RGS21: variants seen among roughly 807,000 people sequenced by gnomAD.
The protein encoded by RGS21 is regulator of G-protein signalling 21.
A neutral mutation model predicts 18.7 loss-of-function variants in RGS21; 19 were observed. The observed-to-expected ratio is 1.01, with a 90% CI of 0.71 to 1.49. RGS21 has a LOEUF of 1.49. Among genes scored for constraint, RGS21 ranks in the 40% most tolerant of loss-of-function variants. The pLI, the probability that RGS21 is intolerant of heterozygous loss-of-function variation, is 0.00. For synonymous variants in RGS21, 56 were observed against 57.8 expected (o/e 0.97, Z 0.14); for missense variants, 194 against 176.8 (o/e 1.10, Z -0.55).
chr1:192,336,814 G>A (rs1388962514), intron 1 of RGS21, among the ~76,000 whole-genome samples: 1 of 151,996 alleles, frequency 6.6e-6, no homozygotes, highest in Non-Finnish European at 1.5e-5. Context: ...GACCATGCCG[G>A]GGGAGATACC....
intron 4 of RGS21, among the ~76,000 whole-genome samples, chr1:192,359,651 G>GTATATATATATATA (rs1448592098): frequency 1.2e-5 from 1 of 82,836 alleles, no homozygotes; most frequent in Non-Finnish European, 2.5e-5. Flanking sequence ...ATATGTGTGT[G>GTATATATATATATA]TGTGTATATA....
chr1:192,319,302 C>CT (rs573957891), intron 1 of RGS21, among the ~76,000 whole-genome samples: 11 of 151,902 alleles, frequency 7.2e-5, no homozygotes, highest in African/African-American at 2.7e-4. Flanking sequence ...TCCCTTCCAA[C>CT]TTTTTTTTAT....
intron 1 of RGS21, among the ~76,000 whole-genome samples, chr1:192,318,451 G>A (rs561832395): frequency 5.9e-5 from 9 of 152,044 alleles, no homozygotes; most frequent in Admixed American, 2.0e-4. Flanking sequence ...ATCCCTCCCA[G>A]AACAGCAAAA....
chr1:192,343,823 C>T (rs2102230374), intron 2 of RGS21, among the ~76,000 whole-genome samples: 1 of 151,948 alleles, frequency 6.6e-6, no homozygotes, highest in East Asian at 1.9e-4. Flanking sequence ...AAGAGCCAGA[C>T]AAAACTGCTG....
intron 2 of RGS21, among the ~76,000 whole-genome samples, chr1:192,345,113 T>G (rs986669268): frequency 3.9e-5 from 6 of 152,128 alleles, no homozygotes; most frequent in Admixed American, 3.9e-4. Context: ...CTATTATTTA[T>G]GTAAACACCT....
intron 1 of RGS21, among the ~76,000 whole-genome samples, chr1:192,333,593 G>T (rs1030544332): frequency 1.6e-4 from 22 of 140,090 alleles, no homozygotes; most frequent in African/African-American, 5.6e-4. Flanking sequence ...GGTCATGTAA[G>T]GTATGATCGT....
chr1:192,328,987 A>T (rs1426475029), intron 1 of RGS21, among the ~76,000 whole-genome samples: 1 of 152,124 alleles, frequency 6.6e-6, no homozygotes, highest in Admixed American at 6.5e-5. Flanking sequence ...TACAATTTAA[A>T]ATTATTTCTC....
chr1:192,363,299 G>T (rs1659212404), intron 4 of RGS21, among the ~76,000 whole-genome samples: 1 of 152,066 alleles, frequency 6.6e-6, no homozygotes, highest in Admixed American at 6.6e-5. Flanking sequence ...AGCTAGCACT[G>T]TTTGGCAGGC....
chr1:192,324,292 C>A (rs547995307), intron 1 of RGS21, among the ~76,000 whole-genome samples: 2 of 152,048 alleles, frequency 1.3e-5, no homozygotes, highest in Non-Finnish European at 2.9e-5. Context: ...ACAATTTTCT[C>A]ATTAGGCAAG....
At chr1:192,352,291 T>C in intron 4 of RGS21, 78 bp downstream of exon 4, 2 of 990,674 alleles carry the variant, frequency 2.0e-6, no homozygotes, top group Non-Finnish European at 2.8e-6. Flanking sequence ...TAAATCCATC[T>C]AAAAGATAAT....
intron 4 of RGS21, among the ~76,000 whole-genome samples, chr1:192,363,946 C>T (rs76368617): frequency 6.6e-6 from 1 of 151,976 alleles, no homozygotes; most frequent in Non-Finnish European, 1.5e-5. Flanking sequence ...TTTGTTTCCC[C>T]AAATACAGCA....
chr1:192,327,479 T>A (rs1658583884), intron 1 of RGS21, among the ~76,000 whole-genome samples: 1 of 152,032 alleles, frequency 6.6e-6, no homozygotes, highest in Non-Finnish European at 1.5e-5. Flanking sequence ...TTTTTTTATT[T>A]ATTTATTTTT....
In RGS21 at chr1:192,336,177, G is replaced by A. The variant is rs189016178; in HGVS notation, c.-60-6800G>A. ...ATCAGAAGATCAAAAGGCTCAGGCC[G>A]GGCACAGTGGCTCACGCCTGCAATC... On this transcript the variant is annotated intron_variant, in intron 1 of 4. Transcript: ENST00000417209. Among the ~76,000 whole-genome samples the A allele has an allele frequency of 1.2e-3, 188 of 152,256 alleles. 1 individual carries two copies. The highest frequency in any genetic ancestry group is 6.6e-3 in the Admixed American group (101 of 15,282).
Position 192,366,840 on chromosome 1 carries a change from G to C in RGS21, c.*716G>C, listed in dbSNP as rs535694673. On this transcript the variant is annotated 3_prime_UTR_variant, in exon 5 of 5. Transcript: ENST00000417209. ...ATATAAAAGAAAGTGGAAGACTAAG[G>C]AGCATAGATAAATCCTTATAAGATG... is the stretch of plus-strand genomic sequence containing the variant. The C allele has an allele frequency of 6.6e-6, 1 of 152,080 alleles. No individual in the cohort carries two copies. Among genetic ancestry groups the C allele is most frequent in the South Asian group, 2.1e-4 (1 of 4,824 alleles). 9.4% of individuals were successfully genotyped at this position (152,080 alleles called of 1,614,324 possible). A position where few individuals can be genotyped will look rare whatever the true frequency, so the allele number is the denominator to read the frequency against.
At chr1:192,343,365 T>A (rs1168905484) in intron 2 of RGS21, among the ~76,000 whole-genome samples, 2 of 152,172 alleles carry the variant, frequency 1.3e-5, no homozygotes, top group East Asian at 3.9e-4. Flanking sequence ...GCAAAAATTA[T>A]CACAACGTTT....
At chr1:192,326,429 ATATGGTTAATAAT>A (rs1658569474) in intron 1 of RGS21, among the ~76,000 whole-genome samples, 1 of 152,130 alleles carries the variant, frequency 6.6e-6, no homozygotes, top group East Asian at 1.9e-4. Context: ...CACCTAAAAA[ATATGGTTAATAAT>A]ATTTACCTCA....
At chr1:192,351,213 A>C (rs541369576) in intron 3 of RGS21, among the ~76,000 whole-genome samples, 1 of 151,902 alleles carries the variant, frequency 6.6e-6, no homozygotes, top group African/African-American at 2.4e-5. Context: ...TCGGAGAAAA[A>C]CCCTATGTAT....
intron 1 of RGS21, among the ~76,000 whole-genome samples, chr1:192,317,395 G>A (rs986602814): frequency 6.6e-6 from 1 of 151,268 alleles, no homozygotes; most frequent in African/African-American, 2.4e-5. Context: ...GAGAGAAAAA[G>A]ACAAGAGATA....
At chr1:192,348,406 A>G (rs1462154421) in intron 3 of RGS21, among the ~76,000 whole-genome samples, 1 of 152,216 alleles carries the variant, frequency 6.6e-6, no homozygotes, top group African/African-American at 2.4e-5. Flanking sequence ...TGAAAATTTA[A>G]ATAAATCACT....
Sources: gnomAD v4.1 joint callset for allele counts (sites outside exome capture counted in the v4.1 genomes callset) on GRCh38, gnomAD v4.1.1 for gene constraint, MANE v1.5 for transcripts, NCBI Gene and HGNC (gene_info 2026-07-23, HGNC 2026-07-21) for gene names.